The following GOLGA4 variants were observed in gnomAD, a reference collection of about 807,000 sequenced individuals.
GOLGA4 encodes the protein golgin A4, also known as golgin subfamily A member 4.
A neutral mutation model predicts 265.9 loss-of-function variants in GOLGA4; 169 were observed. The observed-to-expected ratio is 0.64, with a 90% CI of 0.56 to 0.72. GOLGA4 has a LOEUF of 0.72. Among genes scored for constraint, GOLGA4 ranks in the 30% least tolerant of loss-of-function variants. The pLI, the probability that GOLGA4 is intolerant of heterozygous loss-of-function variation, is 0.00. For synonymous variants in GOLGA4, 923 were observed against 855.8 expected (o/e 1.08, Z -1.37); for missense variants, 2,482 against 2,483.4 (o/e 1.00, Z 0.01).
chr3:37,333,914 A>G (rs947285010), intron 16 of GOLGA4, among the ~76,000 whole-genome samples: 1 of 152,208 alleles, frequency 6.6e-6, no homozygotes, highest in Non-Finnish European at 1.5e-5. Flanking sequence ...ATAGGGCCTA[A>G]CTATGTTTGC....
intron 7 of GOLGA4, among the ~76,000 whole-genome samples, chr3:37,296,745 A>G (rs2096879455): frequency 6.6e-6 from 1 of 151,710 alleles, no homozygotes. Context: ...TAATTTTTGT[A>G]TTTTCAGTAG....
At chr3:37,347,422 A>G (rs1008560897) in intron 21 of GOLGA4, 126 bp downstream of exon 21, 53 of 527,296 alleles carry the variant, frequency 1.0e-4, no homozygotes, top group South Asian at 9.6e-4. Flanking sequence ...AGTAGGTAAT[A>G]GATAATTATT....
Position 37,362,171 on chromosome 3 carries a change from TACA to T in GOLGA4, c.*33+870_*33+872del, listed in dbSNP as rs1305354839. 2.2e-4 allele frequency among the ~76,000 whole-genome samples: 33 copies of T among 152,042 alleles called. No homozygotes were observed. In the East Asian group the frequency reaches 3.1e-3, roughly 14 times the overall value. The stretch of plus-strand genomic sequence containing the variant: ...AGTATCAAGGTTTAAAATGGCAAGA[TACA>T]ACATTTCTCCGTTCTTTTAAGCTTT... On this transcript the variant is annotated intron_variant, in intron 23 of 23. Transcript: ENST00000361924.
At chr3:37,279,907 CA>C (rs745389415) in intron 2 of GOLGA4, among the ~76,000 whole-genome samples, 359 of 135,592 alleles carry the variant, frequency 2.6e-3, no homozygotes, top group South Asian at 3.8e-3. Context: ...ACTATTGTCT[CA>C]AAAAAAAAAA....
chr3:37,284,947 G>A (rs2096844419), intron 3 of GOLGA4, among the ~76,000 whole-genome samples: 1 of 152,102 alleles, frequency 6.6e-6, no homozygotes, highest in South Asian at 2.1e-4. Flanking sequence ...TTACAGGTGT[G>A]AGCCACCATG....
At chr3:37,276,433 G>A (rs941939580) in intron 2 of GOLGA4, 1 of 1,608,928 alleles carries the variant, frequency 6.2e-7, no homozygotes, top group African/African-American at 1.3e-5. Flanking sequence ...CCATCAGAGA[G>A]CATCAGATGG....
intron 21 of GOLGA4, among the ~76,000 whole-genome samples, chr3:37,349,741 G>C (rs1392669067): frequency 6.6e-6 from 1 of 152,088 alleles, no homozygotes; most frequent in South Asian, 2.1e-4. Flanking sequence ...ACCAGGTTGC[G>C]GTTTTAGAAT....
chr3:37,299,322 C>T lies in GOLGA4; in HGVS notation c.1037C>T (p.Thr346Ile). ...LHMAEKTKLI[T>I]QLRDAKNLIE... Reference sequence around the variant, plus strand: ...ATGGCCGAGAAGACTAAACTTATCACTCAGTTGCGTGATGCAAAGAACTTA... The same window carrying T: ...ATGGCCGAGAAGACTAAACTTATCATTCAGTTGCGTGATGCAAAGAACTTA... The change falls in exon 9 of 24, where the codon ACT (threonine) becomes ATT (isoleucine). Residue 346 changes from threonine (T) to isoleucine (I), a missense_variant. Physicochemically the swap from Thr to Ile is moderately conservative, Grantham distance 89. This residue lies in a region of GOLGA4 where 1,536 missense variants were observed against 1,483.7 expected (regional missense o/e 1.04). Coordinates refer to ENST00000361924, the MANE Select transcript of GOLGA4 (RefSeq NM_002078.5). 6.2e-7 allele frequency: 1 copy of T among 1,613,232 alleles called. No homozygotes were observed.
chr3:37,313,453 T>C (rs1490559747), intron 10 of GOLGA4: 3 of 152,244 alleles, frequency 2.0e-5, no homozygotes, highest in African/African-American at 4.8e-5. Flanking sequence ...ACATTTCTTA[T>C]ACCACTGGAA....
intron 23 of GOLGA4, among the ~76,000 whole-genome samples, chr3:37,363,398 T>C (rs539694505): frequency 6.6e-6 from 1 of 152,356 alleles, no homozygotes; most frequent in South Asian, 2.1e-4. Context: ...GCAGCATTTC[T>C]ATTAATTGAT....
chr3:37,317,723 A>C (rs962052950), intron 11 of GOLGA4, among the ~76,000 whole-genome samples: 3 of 152,188 alleles, frequency 2.0e-5, no homozygotes, highest in African/African-American at 7.2e-5. Flanking sequence ...TCTTAGCAGT[A>C]TGATAAATAT....
intron 17 of GOLGA4, among the ~76,000 whole-genome samples, chr3:37,336,120 G>T (rs915684197): frequency 6.6e-6 from 1 of 152,186 alleles, no homozygotes; most frequent in African/African-American, 2.4e-5. Context: ...GTGTCACTTG[G>T]TAGGCATATG....
intron 13 of GOLGA4, among the ~76,000 whole-genome samples, chr3:37,322,842 C>A (rs536502875): frequency 2.6e-5 from 4 of 151,452 alleles, no homozygotes; most frequent in South Asian, 2.1e-4. Flanking sequence ...AAAAAAAGAA[C>A]CTTCCAAATG....
chr3:37,356,398 T>A (rs555923268), intron 22 of GOLGA4, among the ~76,000 whole-genome samples: 1 of 152,268 alleles, frequency 6.6e-6, no homozygotes, highest in Non-Finnish European at 1.5e-5. Flanking sequence ...TTGTATATTG[T>A]ATTGTATTAT....
At position 37,331,288 on chromosome 3, in the gene GOLGA4, C is replaced by T. The variant is rs137860109; in HGVS notation, c.6192+2195C>T. The stretch of plus-strand genomic sequence containing the variant: ...TTGGAATAGCAACATTTCAAGTTCT[C>T]ACTAGCCACAGTTTTAGGGTAGCTA... On this transcript the variant is annotated intron_variant, in intron 16 of 23. Coordinates refer to ENST00000361924, the MANE Select transcript of GOLGA4 (RefSeq NM_002078.5). Among the ~76,000 whole-genome samples, 1,280 of 152,228 alleles carry T rather than the reference C, an allele frequency of 8.4e-3. 10 individuals carry two copies. The highest frequency in any genetic ancestry group is 0.012 in the Non-Finnish European group (814 of 68,024).
intron 2 of GOLGA4, chr3:37,275,742 A>G (rs2096815618): frequency 1.2e-6 from 2 of 1,612,674 alleles, no homozygotes; most frequent in African/African-American, 2.7e-5. Context: ...AAGATGGTGC[A>G]GAAGAAGAAC....
At chr3:37,270,788 G>A (rs948632255) in intron 2 of GOLGA4, among the ~76,000 whole-genome samples, 2 of 152,014 alleles carry the variant, frequency 1.3e-5, no homozygotes, top group African/African-American at 4.8e-5. Flanking sequence ...CATGAACTGG[G>A]GGCACAGGGA....
intron 10 of GOLGA4, 145 bp downstream of exon 10, chr3:37,302,477 G>T: frequency 1.4e-6 from 1 of 732,124 alleles, no homozygotes; most frequent in Non-Finnish European, 2.2e-6. Context: ...GCTCATTAGA[G>T]GAGGCAGAGG....
intron 2 of GOLGA4, chr3:37,276,241 A>C: frequency 1.3e-6 from 2 of 1,557,002 alleles, no homozygotes; most frequent in Non-Finnish European, 1.8e-6. Flanking sequence ...TAAGGAATAC[A>C]GACATGAAAT....
Sources: gnomAD v4.1 joint callset for allele counts (sites outside exome capture counted in the v4.1 genomes callset) on GRCh38, gnomAD v4.1.1 for gene constraint, gnomAD v4.1.1 regional missense constraint, MANE v1.5 for transcripts, NCBI Gene and HGNC (gene_info 2026-07-23, HGNC 2026-07-21) for gene names.